The following ZNF446 variants were observed in gnomAD, a reference collection of about 807,000 sequenced individuals.
ZNF446 encodes the protein zinc finger protein with KRAB and SCAN domains 20.
Under a neutral mutation model 34.0 loss-of-function variants are expected in ZNF446, and 42 were observed. The ratio of observed to expected loss-of-function variants is 1.23; its 90% CI spans 0.96 to 1.60. The LOEUF (loss-of-function observed/expected upper bound fraction) is 1.60. ZNF446 is among the 40% of genes most tolerant of loss of function. The probability of loss-of-function intolerance (pLI) is 0.00; values close to 1 mark genes in which losing one functional copy is unlikely to be tolerated. For missense variants in ZNF446, 650 were observed against 600.2 expected (o/e 1.08, Z -0.87); for synonymous variants, 315 against 251.0 (o/e 1.25, Z -2.41).
At chr19:58,484,519 G>A (rs1399243656), downstream of ZNF446, among the ~76,000 whole-genome samples, 1 of 151,192 alleles carries the variant, frequency 6.6e-6, no homozygotes, top group Non-Finnish European at 1.5e-5. Flanking sequence ...TAAACACTAG[G>A]GGGAAAATTG....
chr19:58,478,329 C>T, intron 4 of ZNF446, 148 bp downstream of exon 4: 1 of 689,774 alleles, frequency 1.4e-6, no homozygotes, highest in East Asian at 2.8e-5. Flanking sequence ...TACCCCTCCA[C>T]AGGACCTGGG....
downstream of ZNF446, among the ~76,000 whole-genome samples, chr19:58,484,698 T>A (rs1021157888): frequency 6.6e-6 from 1 of 151,862 alleles, no homozygotes; most frequent in African/African-American, 2.4e-5. Context: ...TTTTAAAAAA[T>A]TTTAAAAACC....
At position 58,479,918 on chromosome 19, in the gene ZNF446, C is replaced by T. The variant is rs1473223547; in HGVS notation, c.713-12C>T. ...CAAACCCCATGCCTAACTGTGCCCCCCACCCGGGCAGGGTTACCGCCCCAC... is the reference window on the plus strand; with the variant it reads ...CAAACCCCATGCCTAACTGTGCCCCTCACCCGGGCAGGGTTACCGCCCCAC... On this transcript the variant is annotated splice_polypyrimidine_tract_variant and intron_variant, in intron 5 of 6. Transcript: ENST00000594369. 7.1e-6 allele frequency: 11 copies of T among 1,559,626 alleles called. No homozygotes were observed. Among genetic ancestry groups the T allele is most frequent in the South Asian group, 1.2e-5 (1 of 85,210 alleles).
chr19:58,477,361 G>A lies in ZNF446; in HGVS notation c.143G>A (p.Arg48His), dbSNP rs760179216. 1.5e-5 allele frequency: 24 copies of A among 1,613,374 alleles called. No homozygotes were observed. The highest frequency in any genetic ancestry group is 2.7e-5 in the African/African-American group (2 of 74,904). The part of the protein sequence containing the change: ...AGPREALARL[R>H]ELCCQWLQPE... ...CCCCGAGAAGCCCTGGCCCGGCTGC[G>A]TGAGCTGTGTTGCCAGTGGCTGCAG... Residue 48 changes from arginine (R) to histidine (H), a missense_variant, in exon 2 of 7, where the codon CGT becomes CAT. Coordinates refer to ENST00000594369, the MANE Select transcript of ZNF446 (RefSeq NM_017908.4).
chr19:58,481,355 C>G (rs1489591843), downstream of ZNF446: 1 of 152,968 alleles, frequency 6.5e-6, no homozygotes, highest in Admixed American at 6.5e-5. Flanking sequence ...CCTCTGTTGC[C>G]ACAGAACCCA....
At chr19:58,483,028 C>G (rs1394461953), downstream of ZNF446, among the ~76,000 whole-genome samples, 3 of 152,176 alleles carry the variant, frequency 2.0e-5, no homozygotes, top group Non-Finnish European at 4.4e-5. Context: ...AAAATGTTCC[C>G]TAATTCAACT....
At chr19:58,486,717 T>TTTGGG in the ZNF446 span, among the ~76,000 whole-genome samples, 1 of 90,046 alleles carries the variant, frequency 1.1e-5, no homozygotes, top group African/African-American at 5.1e-5. Context: ...CTTTTTTTTT[T>TTTGGG]GGGGGGGGGC....
chr19:58,487,619 G>A, the ZNF446 span, among the ~76,000 whole-genome samples: 5 of 151,732 alleles, frequency 3.3e-5, no homozygotes, highest in South Asian at 1.0e-3. Flanking sequence ...GACCAGCCTG[G>A]CCAACATGGT....
At chr19:58,488,846 G>A in the ZNF446 span, among the ~76,000 whole-genome samples, 4 of 68,862 alleles carry the variant, frequency 5.8e-5, no homozygotes, top group Admixed American at 1.3e-4. Flanking sequence ...GCAAGACTCC[G>A]TCAAAAAAAA....
At chr19:58,481,925 C>G (rs1018191339), downstream of ZNF446, among the ~76,000 whole-genome samples, 2 of 152,188 alleles carry the variant, frequency 1.3e-5, no homozygotes, top group African/African-American at 4.8e-5. Context: ...TCCTGAGTAG[C>G]TGGGACTACA....
At chr19:58,479,163 G>C (rs1258272103) in intron 4 of ZNF446, among the ~76,000 whole-genome samples, 1 of 152,146 alleles carries the variant, frequency 6.6e-6, no homozygotes, top group Non-Finnish European at 1.5e-5. Context: ...AGAAAGTGAG[G>C]CAGGGTGGGT....
chr19:58,489,367 G>C, the ZNF446 span, among the ~76,000 whole-genome samples: 2 of 152,206 alleles, frequency 1.3e-5, no homozygotes, highest in South Asian at 4.2e-4. Context: ...CCCAGGAACT[G>C]ACTCCGCGCA....
At chr19:58,488,929 T>G in the ZNF446 span, among the ~76,000 whole-genome samples, 1 of 151,612 alleles carries the variant, frequency 6.6e-6, no homozygotes, top group African/African-American at 2.4e-5. Context: ...CCTGTGCATA[T>G]GATGAGCTAC....
the ZNF446 span, among the ~76,000 whole-genome samples, chr19:58,486,723 G>A: frequency 7.1e-6 from 1 of 141,652 alleles, no homozygotes; most frequent in Non-Finnish European, 1.5e-5. Context: ...TTTTTGGGGG[G>A]GGGCGGGGAG....
In ZNF446 at chr19:58,478,001, A is replaced by G. The variant is rs955920782; in HGVS notation, c.533-86A>G. On this transcript the variant is annotated intron_variant, in intron 3 of 6. Transcript: ENST00000594369. The stretch of plus-strand genomic sequence containing the variant: ...AGGAGCCAAGGGCTGGCTACGTGCC[A>G]TGTCACACAGCAGAGGAGCTCCTCA... 8 of 1,402,434 alleles carry G rather than the reference A, an allele frequency of 5.7e-6. No individual in the cohort carries two copies. In the African/African-American group the frequency reaches 1.2e-4, roughly 20 times the overall value. 86.9% of individuals were successfully genotyped at this position (1,402,434 alleles called of 1,614,324 possible). A position where few individuals can be genotyped will look rare whatever the true frequency, so the allele number is the denominator to read the frequency against.
At chr19:58,477,864 G>C in intron 3 of ZNF446, 38 bp downstream of exon 3, 1 of 1,489,722 alleles carries the variant, frequency 6.7e-7, no homozygotes, top group African/African-American at 1.4e-5. Context: ...GGGACTCCTG[G>C]AGGAAGTGTG....
Position 58,477,380 on chromosome 19 carries a change from G to A in ZNF446, c.162G>A (p.Trp54Ter). 1 of 1,613,332 alleles carries A rather than the reference G, an allele frequency of 6.2e-7. No homozygotes were observed. The highest frequency in any genetic ancestry group is 8.5e-7 in the Non-Finnish European group (1 of 1,179,992). The change falls in exon 2 of 7, where the codon TGG becomes TGA. Residue 54 changes from tryptophan (W) to a stop codon, truncating the protein, a stop_gained. Coordinates refer to ENST00000594369, the MANE Select transcript of ZNF446 (RefSeq NM_017908.4). LOFTEE classifies it high-confidence loss of function. ...LARLRELCCQWLQPEAHSKEQ... is the reference protein window; with the variant it reads ...LARLRELCCQ ...GGCTGCGTGAGCTGTGTTGCCAGTGGCTGCAGCCTGAGGCACACTCCAAGG... is the reference window on the plus strand; with the variant it reads ...GGCTGCGTGAGCTGTGTTGCCAGTGACTGCAGCCTGAGGCACACTCCAAGG...
chr19:58,481,132 G>A lies in ZNF446; in HGVS notation c.*406G>A, dbSNP rs188578028. ...CAGAGGCTGGGCCTGAGGTCTCAGTGTGGAGAGCAGCAGAAGACCCAGGAA... is the reference window on the plus strand; with the variant it reads ...CAGAGGCTGGGCCTGAGGTCTCAGTATGGAGAGCAGCAGAAGACCCAGGAA... On this transcript the variant is annotated 3_prime_UTR_variant, in exon 7 of 7. Coordinates refer to ENST00000594369, the MANE Select transcript of ZNF446 (RefSeq NM_017908.4). The A allele has an allele frequency of 5.0e-3, 985 of 196,678 alleles. 6 individuals are homozygous for A. The highest frequency in any genetic ancestry group is 7.2e-3 in the Non-Finnish European group (683 of 94,850). The allele number at this position is 196,678 out of a possible 1,614,324, so 12.2% of individuals were successfully genotyped here. A position where few individuals can be genotyped will look rare whatever the true frequency, so the allele number is the denominator to read the frequency against.
chr19:58,487,105 A>G, the ZNF446 span, among the ~76,000 whole-genome samples: 1 of 152,206 alleles, frequency 6.6e-6, no homozygotes, highest in Non-Finnish European at 1.5e-5. Flanking sequence ...ATGATTTCTT[A>G]AATAATAACA....
Sources: gnomAD v4.1 joint callset for allele counts (sites outside exome capture counted in the v4.1 genomes callset) on GRCh38, gnomAD v4.1.1 for gene constraint, MANE v1.5 for transcripts, NCBI Gene and HGNC (gene_info 2026-07-23, HGNC 2026-07-21) for gene names.